Variants in SLCO1B1 observed in about 807,000 individuals in gnomAD.
The protein encoded by SLCO1B1 is solute carrier organic anion transporter family member 1B1, also known as OATP-2.
Under a neutral mutation model 70.1 loss-of-function variants are expected in SLCO1B1, and 81 were observed. The ratio of observed to expected loss-of-function variants is 1.16; its 90% CI spans 0.97 to 1.39. The LOEUF (loss-of-function observed/expected upper bound fraction) is 1.39. Among genes scored for constraint, SLCO1B1 ranks in the 40% most tolerant of loss-of-function variants. The probability of loss-of-function intolerance (pLI) is 0.00; values close to 1 mark genes in which losing one functional copy is unlikely to be tolerated. For synonymous variants in SLCO1B1, 283 were observed against 271.5 expected (o/e 1.04, Z -0.42); for missense variants, 895 against 799.6 (o/e 1.12, Z -1.44).
At chr12:21,156,118 A>T (rs1239301265) in intron 2 of SLCO1B1, among the ~76,000 whole-genome samples, 1 of 152,160 alleles carries the variant, frequency 6.6e-6, no homozygotes, top group African/African-American at 2.4e-5. Context: ...TACAAGTAGT[A>T]TTGTGACCGA....
At chr12:21,177,438 T>C (rs953442577) in intron 5 of SLCO1B1, among the ~76,000 whole-genome samples, 1 of 152,158 alleles carries the variant, frequency 6.6e-6, no homozygotes, top group Admixed American at 6.6e-5. Context: ...TAAAGACTTT[T>C]TGCCTATTAT....
At chr12:21,214,563 G>A (rs1244854258) in intron 11 of SLCO1B1, among the ~76,000 whole-genome samples, 4 of 151,042 alleles carry the variant, frequency 2.6e-5, no homozygotes, top group African/African-American at 7.3e-5. Flanking sequence ...AGGCAGGCAG[G>A]CCTCCTTGAG....
intron 12 of SLCO1B1, among the ~76,000 whole-genome samples, chr12:21,221,604 C>T (rs59575682): frequency 0.48 from 72,148 of 151,684 alleles, 17,419 homozygotes; most frequent in East Asian, 0.73. Context: ...GTAAATGATA[C>T]GACCAGCATG....
intron 12 of SLCO1B1, 37 bp from the exon 13 acceptor site, chr12:21,222,263 T>C: frequency 1.9e-6 from 2 of 1,061,274 alleles, no homozygotes; most frequent in Non-Finnish European, 2.7e-6. Flanking sequence ...GATATTTTAA[T>C]GATATTTAAT....
At chr12:21,226,951 G>C (rs956381072) in intron 14 of SLCO1B1, among the ~76,000 whole-genome samples, 1 of 151,926 alleles carries the variant, frequency 6.6e-6, no homozygotes, top group Admixed American at 6.6e-5. Context: ...TATATAAAAA[G>C]ATGCTCAAAT....
At chr12:21,132,111 T>G (rs1189908184) in intron 1 of SLCO1B1, among the ~76,000 whole-genome samples, 1 of 152,086 alleles carries the variant, frequency 6.6e-6, no homozygotes, top group Non-Finnish European at 1.5e-5. Flanking sequence ...CTTGCGATAG[T>G]TTGTTGAGAA....
At chr12:21,197,224 T>C (rs150346394) in intron 8 of SLCO1B1, 36 bp downstream of exon 8, 12 of 1,608,146 alleles carry the variant, frequency 7.5e-6, no homozygotes, top group Middle Eastern at 1.7e-4. Flanking sequence ...TTTGGAGTTG[T>C]TAATCTCAAT....
intron 7 of SLCO1B1, among the ~76,000 whole-genome samples, chr12:21,181,576 T>A (rs762229111): frequency 1.2e-4 from 18 of 152,172 alleles, no homozygotes; most frequent in Non-Finnish European, 1.8e-4. Flanking sequence ...TAGATTAGAG[T>A]AATGGCACCA....
At chr12:21,179,623 TATAAAA>T (rs2121109938) in intron 7 of SLCO1B1, among the ~76,000 whole-genome samples, 1 of 152,286 alleles carries the variant, frequency 6.6e-6, no homozygotes, top group South Asian at 2.1e-4. Flanking sequence ...GATGCCATGT[TATAAAA>T]ACTGTCTCAA....
chr12:21,179,447 TA>T (rs1261997318), intron 7 of SLCO1B1, among the ~76,000 whole-genome samples: 3 of 152,178 alleles, frequency 2.0e-5, no homozygotes, highest in African/African-American at 7.2e-5. Flanking sequence ...CTTCACTGTG[TA>T]TTTTATGGTC....
chr12:21,134,996 C>T (rs1940197555), intron 1 of SLCO1B1, among the ~76,000 whole-genome samples: 1 of 152,184 alleles, frequency 6.6e-6, no homozygotes, highest in African/African-American at 2.4e-5. Flanking sequence ...CCTCTACACA[C>T]TGCTTTAAAT....
At chr12:21,213,676 A>C (rs898515285) in intron 11 of SLCO1B1, among the ~76,000 whole-genome samples, 10 of 138,918 alleles carry the variant, frequency 7.2e-5, no homozygotes, top group Admixed American at 2.2e-4. Flanking sequence ...ACTTGGTTCC[A>C]TTCTCCCCAT....
chr12:21,235,883 T>A (rs1334379629), intron 14 of SLCO1B1, among the ~76,000 whole-genome samples: 1 of 152,138 alleles, frequency 6.6e-6, no homozygotes, highest in Non-Finnish European at 1.5e-5. Flanking sequence ...CCCAGTCTCT[T>A]CTAGCTTGTA....
intron 1 of SLCO1B1, among the ~76,000 whole-genome samples, chr12:21,137,602 T>A (rs956861133): frequency 1.3e-5 from 2 of 152,146 alleles, no homozygotes; most frequent in African/African-American, 4.8e-5. Context: ...GTGCTTGCAA[T>A]GAGCGAGACT....
intron 1 of SLCO1B1, among the ~76,000 whole-genome samples, chr12:21,137,487 G>A (rs537000385): frequency 0.012 from 1,764 of 152,264 alleles, 9 homozygotes; most frequent in Non-Finnish European, 0.02. Flanking sequence ...CACCCAGTTC[G>A]AGCTTCCCAG....
intron 2 of SLCO1B1, among the ~76,000 whole-genome samples, chr12:21,157,054 C>A (rs2121070406): frequency 6.6e-6 from 1 of 152,234 alleles, no homozygotes; most frequent in East Asian, 1.9e-4. Context: ...TTACCATGAC[C>A]TTCTAAAATA....
chr12:21,214,448 A>C (rs11045866), intron 11 of SLCO1B1, among the ~76,000 whole-genome samples: 21,369 of 140,606 alleles, frequency 0.15, 2,085 homozygotes, highest in East Asian at 0.4. Flanking sequence ...TGCCGGGAGA[A>C]CCACTGCTCT....
In SLCO1B1 at chr12:21,202,590, G is replaced by GT. The variant is rs1278427452; in HGVS notation, c.1239dup (p.Thr414TyrfsTer18). On this transcript the variant is annotated frameshift_variant, in exon 10 of 15. Coordinates refer to ENST00000256958, the MANE Select transcript of SLCO1B1 (RefSeq NM_006446.5). LOFTEE classifies it high-confidence loss of function. ...ACCGTTGGAATTGCCAAATTCTCAT[G>GT]TTTTACTGCTGTGATGTCATTGTCC... is the stretch of plus-strand genomic sequence containing the variant. The GT allele has an allele frequency of 3.1e-6, 5 of 1,612,280 alleles. No homozygotes were observed. Among genetic ancestry groups the GT allele is most frequent in the Non-Finnish European group, 4.2e-6 (5 of 1,179,100 alleles).
chr12:21,233,722 TCA>T (rs1394810834), intron 14 of SLCO1B1, among the ~76,000 whole-genome samples: 1 of 152,104 alleles, frequency 6.6e-6, no homozygotes, highest in Non-Finnish European at 1.5e-5. Flanking sequence ...GAGACAGACA[TCA>T]TTTCCAGGAA....
Sources: gnomAD v4.1 joint callset for allele counts (sites outside exome capture counted in the v4.1 genomes callset) on GRCh38, gnomAD v4.1.1 for gene constraint, MANE v1.5 for transcripts, NCBI Gene and HGNC (gene_info 2026-07-23, HGNC 2026-07-21) for gene names.